The following PPP1R42 variants were observed in gnomAD, a reference collection of about 807,000 sequenced individuals.
PPP1R42 encodes leucine rich repeat containing 67.
PPP1R42 carries 34 observed loss-of-function variants against 31.0 expected under a neutral mutation model. The observed-to-expected ratio is 1.10, with a 90% confidence interval of 0.83 to 1.46. The LOEUF is 1.46. Among genes scored for constraint, PPP1R42 ranks in the 40% most tolerant of loss-of-function variants. PPP1R42 has a pLI of 0.00. For missense variants in PPP1R42, 268 were observed against 303.0 expected (o/e 0.88, Z 0.86); for synonymous variants, 103 against 109.8 (o/e 0.94, Z 0.39).
chr8:67,021,019 G>C (rs938398915), intron 1 of PPP1R42, among the ~76,000 whole-genome samples: 4 of 152,106 alleles, frequency 2.6e-5, no homozygotes, highest in Non-Finnish European at 5.9e-5. Flanking sequence ...CAATTGCCCA[G>C]GAAGTATAGC....
intron 6 of PPP1R42, chr8:66,985,658 G>A: frequency 7.5e-6 from 10 of 1,336,554 alleles, no homozygotes; most frequent in South Asian, 1.2e-5. Context: ...GTGGCACCCT[G>A]GGAGGGCTGA....
At chr8:66,998,677 G>T (rs924056927) in intron 5 of PPP1R42, among the ~76,000 whole-genome samples, 1 of 152,122 alleles carries the variant, frequency 6.6e-6, no homozygotes, top group African/African-American at 2.4e-5. Flanking sequence ...ATGTTGTTAT[G>T]TAGATTTTAT....
Position 67,022,137 on chromosome 8 carries a change from A to G in PPP1R42, c.-84-4306T>C, listed in dbSNP as rs1202578426. 5.3e-5 allele frequency among the ~76,000 whole-genome samples: 8 copies of G among 152,198 alleles called. No homozygotes were observed. In the South Asian group the frequency reaches 1.4e-3, roughly 28 times the overall value. On this transcript the variant is annotated intron_variant, in intron 1 of 7. Transcript: ENST00000685739. Reference sequence around the variant, plus strand: ...GAATTTTACCACTGGCAAGTAAAAGAGTTCCCACTGCTCTGCACCATTGTT... The same window carrying G: ...GAATTTTACCACTGGCAAGTAAAAGGGTTCCCACTGCTCTGCACCATTGTT...
intron 7 of PPP1R42, among the ~76,000 whole-genome samples, chr8:66,969,372 A>C (rs1249377492): frequency 3.9e-5 from 6 of 152,224 alleles, no homozygotes; most frequent in Admixed American, 3.9e-4. Context: ...AATCTTTAAG[A>C]AATTATTGTG....
chr8:66,978,059 C>T (rs1340650274), intron 7 of PPP1R42, among the ~76,000 whole-genome samples: 1 of 152,174 alleles, frequency 6.6e-6, no homozygotes, highest in Non-Finnish European at 1.5e-5. Flanking sequence ...TGCATTCTCA[C>T]CAGCTGTATT....
chr8:66,985,295 A>T, intron 6 of PPP1R42: 1 of 876,048 alleles, frequency 1.1e-6, no homozygotes, highest in Non-Finnish European at 1.9e-6. Flanking sequence ...CGGGGTCAAA[A>T]AAGGTATTGG....
intron 5 of PPP1R42, among the ~76,000 whole-genome samples, chr8:66,989,476 G>T (rs1214598204): frequency 6.6e-6 from 1 of 152,142 alleles, no homozygotes; most frequent in Admixed American, 6.5e-5. Context: ...AGTACACTTT[G>T]AGTATTTCTT....
intron 2 of PPP1R42, among the ~76,000 whole-genome samples, chr8:67,017,005 A>G (rs1816035932): frequency 6.6e-6 from 1 of 152,150 alleles, no homozygotes; most frequent in South Asian, 2.1e-4. Context: ...CCCAACATAC[A>G]CTTTCAAATC....
intron 7 of PPP1R42, among the ~76,000 whole-genome samples, chr8:66,980,550 A>C (rs1814796251): frequency 6.6e-6 from 1 of 152,162 alleles, no homozygotes; most frequent in Non-Finnish European, 1.5e-5. Flanking sequence ...TTCAGTGAAC[A>C]TGATATGGCA....
intron 7 of PPP1R42, among the ~76,000 whole-genome samples, chr8:66,977,798 G>T (rs532292276): frequency 6.6e-6 from 1 of 152,138 alleles, no homozygotes; most frequent in African/African-American, 2.4e-5. Context: ...GAGCCACCTC[G>T]CTTGGCCGCT....
chr8:66,979,668 G>C (rs992087179), intron 7 of PPP1R42, among the ~76,000 whole-genome samples: 1 of 152,056 alleles, frequency 6.6e-6, no homozygotes, highest in African/African-American at 2.4e-5. Flanking sequence ...GGTGGCTCTG[G>C]CTTTGTTGGT....
chr8:67,021,521 G>A (rs1445424240), intron 1 of PPP1R42, among the ~76,000 whole-genome samples: 1 of 152,048 alleles, frequency 6.6e-6, no homozygotes, highest in Non-Finnish European at 1.5e-5. Flanking sequence ...TGAACAAAGT[G>A]TCTAATTCAA....
At chr8:66,986,317 C>T in intron 6 of PPP1R42, 1 of 520,482 alleles carries the variant, frequency 1.9e-6, no homozygotes, top group Non-Finnish European at 3.8e-6. Flanking sequence ...TGAAAGGATC[C>T]ATGGTTTCAG....
intron 1 of PPP1R42, among the ~76,000 whole-genome samples, chr8:67,026,136 G>A (rs1049064099): frequency 4.0e-5 from 6 of 151,802 alleles, no homozygotes; most frequent in African/African-American, 1.5e-4. Context: ...AGGAGTTTGC[G>A]ACCAGCCTGA....
chr8:66,967,754 T>A (rs985813397), intron 7 of PPP1R42, among the ~76,000 whole-genome samples: 3 of 152,222 alleles, frequency 2.0e-5, no homozygotes, highest in African/African-American at 7.2e-5. Flanking sequence ...TAAAGGTATC[T>A]GAAATTAAGG....
Position 67,013,105 on chromosome 8 carries a change from C to T in PPP1R42, c.297-9G>A. On this transcript the variant is annotated splice_polypyrimidine_tract_variant and intron_variant, in intron 3 of 7. Coordinates refer to ENST00000685739, the MANE Select transcript of PPP1R42 (RefSeq NM_001364910.1). ...AATTGCCTCCCAGATACCTGCAAAA[C>T]ATAGACATAATTCTAAACAGACATT... The T allele has an allele frequency of 6.3e-7, 1 of 1,582,600 alleles. No homozygotes were observed. Among genetic ancestry groups the T allele is most frequent in the Non-Finnish European group, 8.6e-7 (1 of 1,168,732 alleles).
chr8:66,998,214 G>A (rs566745912), intron 5 of PPP1R42, among the ~76,000 whole-genome samples: 1 of 152,226 alleles, frequency 6.6e-6, no homozygotes, highest in South Asian at 2.1e-4. Context: ...CATTTATGTA[G>A]ATCTTCTTTA....
intron 6 of PPP1R42, chr8:66,986,031 T>C: frequency 2.7e-6 from 2 of 749,476 alleles, no homozygotes; most frequent in South Asian, 2.7e-5. Flanking sequence ...CAGCCTCAGT[T>C]TGTCCACAAA....
At chr8:66,989,581 C>T (rs1054680996) in intron 5 of PPP1R42, among the ~76,000 whole-genome samples, 1 of 151,976 alleles carries the variant, frequency 6.6e-6, no homozygotes, top group South Asian at 2.1e-4. Flanking sequence ...AATTACTCAA[C>T]AAAAGTAGTG....
Sources: gnomAD v4.1 joint callset for allele counts (sites outside exome capture counted in the v4.1 genomes callset) on GRCh38, gnomAD v4.1.1 for gene constraint, MANE v1.5 for transcripts, NCBI Gene and HGNC (gene_info 2026-07-23, HGNC 2026-07-21) for gene names.